The following RGS6 variants were observed in gnomAD, a reference collection of about 807,000 sequenced individuals.
RGS6 encodes the protein regulator of G protein signaling 6.
Under a neutral mutation model 78.5 loss-of-function variants are expected in RGS6, and 30 were observed. The observed-to-expected ratio is 0.38, with a 90% CI of 0.29 to 0.52. The LOEUF (loss-of-function observed/expected upper bound fraction) is 0.52, where lower values mean the gene tolerates loss of function less well. Among genes scored for constraint, RGS6 ranks in the 20% least tolerant of loss-of-function variants. The probability of loss-of-function intolerance (pLI) is 0.85; values close to 1 mark genes in which losing one functional copy is unlikely to be tolerated. For missense variants in RGS6, 495 were observed against 609.7 expected (o/e 0.81, Z 1.98); for synonymous variants, 206 against 206.0 (o/e 1.00, Z 0.00).
the RGS6 span, among the ~76,000 whole-genome samples, chr14:72,593,384 G>A: frequency 8.2e-6 from 1 of 122,638 alleles, no homozygotes; most frequent in African/African-American, 2.5e-5. Flanking sequence ...ATGTTTTTTT[G>A]TTTTTTGTTT....
intron 17 of RGS6, chr14:72,540,836 A>G (rs2097315664): frequency 1.0e-6 from 1 of 985,394 alleles, no homozygotes; most frequent in African/African-American, 1.7e-5. Flanking sequence ...CTACAGGTTC[A>G]TGGTACGCCC....
chr14:72,295,247 C>T (rs1402400044), intron 2 of RGS6, among the ~76,000 whole-genome samples: 5 of 150,018 alleles, frequency 3.3e-5, no homozygotes, highest in East Asian at 2.0e-4. Flanking sequence ...GCCGAGATCC[C>T]GCCACTGCAC....
At chr14:72,593,571 G>C in the RGS6 span, among the ~76,000 whole-genome samples, 1 of 152,158 alleles carries the variant, frequency 6.6e-6, no homozygotes, top group Non-Finnish European at 1.5e-5. Flanking sequence ...ATTTTTAGCA[G>C]AGATGGAGTT....
intron 2 of RGS6, among the ~76,000 whole-genome samples, chr14:72,188,665 C>T (rs149638): frequency 0.18 from 27,837 of 152,112 alleles, 2,779 homozygotes; most frequent in East Asian, 0.35. Context: ...TTCTTTGCTA[C>T]CATTCTGTCA....
the RGS6 span, among the ~76,000 whole-genome samples, chr14:72,597,349 C>T: frequency 1.8e-4 from 28 of 152,332 alleles, no homozygotes; most frequent in African/African-American, 6.7e-4. Context: ...GCATCTGGCT[C>T]GTTGTAAAGG....
At chr14:72,375,790 C>T (rs2084562278) in intron 3 of RGS6, among the ~76,000 whole-genome samples, 1 of 152,284 alleles carries the variant, frequency 6.6e-6, no homozygotes, top group Non-Finnish European at 1.5e-5. Context: ...CTACTGGAGA[C>T]TATACTACTG....
intron 2 of RGS6, among the ~76,000 whole-genome samples, chr14:72,161,913 CG>C (rs529615891): frequency 3.7e-4 from 56 of 152,340 alleles, no homozygotes; most frequent in African/African-American, 1.3e-3. Flanking sequence ...GGGAAACCCA[CG>C]GGAAGAGGAG....
chr14:72,008,917 C>T (rs1241226237), intron 2 of RGS6, among the ~76,000 whole-genome samples: 3 of 152,162 alleles, frequency 2.0e-5, no homozygotes, highest in Non-Finnish European at 1.5e-5. Flanking sequence ...TTAGGGGAGG[C>T]CTGACACCAT....
At chr14:71,885,903 C>G in the RGS6 span, among the ~76,000 whole-genome samples, 1 of 151,604 alleles carries the variant, frequency 6.6e-6, no homozygotes, top group Non-Finnish European at 1.5e-5. Context: ...TTCCTTCCTT[C>G]TTTCCTTCTT....
At chr14:72,391,608 T>C (rs1035941142) in intron 3 of RGS6, among the ~76,000 whole-genome samples, 10 of 152,214 alleles carry the variant, frequency 6.6e-5, no homozygotes, top group African/African-American at 2.4e-4. Flanking sequence ...TATATGTATA[T>C]ACACACACAC....
chr14:72,098,656 C>T (rs1423180369), intron 2 of RGS6, among the ~76,000 whole-genome samples: 1 of 152,114 alleles, frequency 6.6e-6, no homozygotes, highest in Non-Finnish European at 1.5e-5. Context: ...TTCCAGTTTC[C>T]CTCAAAAATT....
chr14:72,207,314 AT>A (rs1406969335), intron 2 of RGS6, among the ~76,000 whole-genome samples: 1 of 152,178 alleles, frequency 6.6e-6, no homozygotes, highest in Non-Finnish European at 1.5e-5. Flanking sequence ...ATTCAGTTAT[AT>A]TTCTAATGAC....
intron 2 of RGS6, among the ~76,000 whole-genome samples, chr14:72,266,983 C>T (rs1014385042): frequency 1.4e-5 from 2 of 139,756 alleles, no homozygotes; most frequent in African/African-American, 2.8e-5. Flanking sequence ...GAGCTAAGCA[C>T]GATTGTCATA....
chr14:72,472,111 C>T (rs929955459), intron 8 of RGS6, among the ~76,000 whole-genome samples: 6 of 149,046 alleles, frequency 4.0e-5, no homozygotes, highest in Non-Finnish European at 8.9e-5. Context: ...AGGAGTTACA[C>T]GGCAATTAAT....
At chr14:72,433,471 G>T (rs2094749718) in intron 3 of RGS6, among the ~76,000 whole-genome samples, 1 of 151,614 alleles carries the variant, frequency 6.6e-6, no homozygotes, top group East Asian at 1.9e-4. Flanking sequence ...TGCACATCCT[G>T]CACATGTTAC....
chr14:72,176,199 G>C (rs908095669), intron 2 of RGS6, among the ~76,000 whole-genome samples: 4 of 152,210 alleles, frequency 2.6e-5, no homozygotes, highest in African/African-American at 9.6e-5. Context: ...CTTTGAAGCA[G>C]TTTTTGAGGG....
intron 2 of RGS6, among the ~76,000 whole-genome samples, chr14:72,010,696 A>T (rs77481400): frequency 8.5e-5 from 13 of 152,318 alleles, no homozygotes; most frequent in African/African-American, 3.1e-4. Flanking sequence ...TCACCTTCCA[A>T]TAAATCAGGG....
At chr14:72,592,898 CAG>C in the RGS6 span, among the ~76,000 whole-genome samples, 1 of 152,228 alleles carries the variant, frequency 6.6e-6, no homozygotes, top group South Asian at 2.1e-4. Context: ...TACAAACTCT[CAG>C]AATGTGGCTG....
chr14:72,162,156 C>G (rs2096861631), intron 2 of RGS6, among the ~76,000 whole-genome samples: 1 of 149,924 alleles, frequency 6.7e-6, no homozygotes. Context: ...TTTACATTAA[C>G]TAGCGTAAAA....
Sources: allele counts gnomAD v4.1 joint callset (sites outside exome capture counted in the v4.1 genomes callset), GRCh38; gene constraint gnomAD v4.1.1; transcripts MANE v1.5; gene names NCBI Gene and HGNC (gene_info 2026-07-23, HGNC 2026-07-21).